Variants in SUGCT observed in about 807,000 individuals in gnomAD.
The protein encoded by SUGCT is succinyl-CoA:glutarate CoA-transferase.
SUGCT carries 41 observed loss-of-function variants against 55.0 expected under a neutral mutation model. The observed-to-expected ratio is 0.74, with a 90% CI of 0.58 to 0.97. The LOEUF is 0.97. SUGCT is among the 50% of genes least tolerant of loss of function. The pLI, the probability that SUGCT is intolerant of heterozygous loss-of-function variation, is 0.00. For synonymous variants in SUGCT, 187 were observed against 200.4 expected (o/e 0.93, Z 0.56); for missense variants, 568 against 547.8 (o/e 1.04, Z -0.37).
intron 12 of SUGCT, among the ~76,000 whole-genome samples, chr7:40,627,424 T>C (rs1323432952): frequency 6.6e-6 from 1 of 152,008 alleles, no homozygotes; most frequent in Non-Finnish European, 1.5e-5. Context: ...AAGCAACCAA[T>C]CAGAGGCTGA....
intron 7 of SUGCT, among the ~76,000 whole-genome samples, chr7:40,242,646 G>A (rs889436889): frequency 3.3e-5 from 5 of 151,702 alleles, no homozygotes; most frequent in African/African-American, 1.2e-4. Flanking sequence ...CCTTGCTTCT[G>A]CATGCTGCTT....
chr7:40,148,911 G>A (rs10263812), intron 1 of SUGCT, among the ~76,000 whole-genome samples: 9,733 of 152,158 alleles, frequency 0.064, 961 homozygotes, highest in African/African-American at 0.21. Flanking sequence ...TTTATCTTCT[G>A]AAAGGGCCTG....
chr7:40,961,687 G>GT, the SUGCT span, among the ~76,000 whole-genome samples: 1 of 152,206 alleles, frequency 6.6e-6, no homozygotes, highest in African/African-American at 2.4e-5. Context: ...TAAAGATGGT[G>GT]TGTCTGGAGT....
intron 8 of SUGCT, among the ~76,000 whole-genome samples, chr7:40,276,981 G>A (rs1398098114): frequency 2.0e-5 from 3 of 152,120 alleles, no homozygotes; most frequent in Non-Finnish European, 2.9e-5. Flanking sequence ...TGAGGTCAAT[G>A]TGAGAACTAC....
At chr7:40,586,214 C>A (rs1204073889) in intron 12 of SUGCT, among the ~76,000 whole-genome samples, 2 of 151,998 alleles carry the variant, frequency 1.3e-5, no homozygotes, top group South Asian at 4.2e-4. Context: ...AAGTGTTAGG[C>A]AATGTTTTTA....
At chr7:40,186,295 G>T (rs867216400) in intron 3 of SUGCT, among the ~76,000 whole-genome samples, 2 of 134,660 alleles carry the variant, frequency 1.5e-5, no homozygotes, top group African/African-American at 2.8e-5. Flanking sequence ...ATCTTGCTCT[G>T]TCCCCTAGGC....
intron 12 of SUGCT, among the ~76,000 whole-genome samples, chr7:40,690,751 A>G (rs544636684): frequency 6.6e-6 from 1 of 151,770 alleles, no homozygotes; most frequent in South Asian, 2.1e-4. Flanking sequence ...TAATTTTTGT[A>G]TTTTTTTGTA....
At chr7:40,661,450 T>G (rs1402441592) in intron 12 of SUGCT, among the ~76,000 whole-genome samples, 1 of 152,216 alleles carries the variant, frequency 6.6e-6, no homozygotes, top group Non-Finnish European at 1.5e-5. Flanking sequence ...ATAATTCGTC[T>G]TAAAATGAAA....
chr7:40,245,977 A>G (rs911550302), intron 7 of SUGCT, among the ~76,000 whole-genome samples: 1 of 151,940 alleles, frequency 6.6e-6, no homozygotes, highest in African/African-American at 2.4e-5. Context: ...TGGAACTACA[A>G]GCACATGCCA....
At chr7:40,270,939 T>C (rs1791960263) in intron 7 of SUGCT, among the ~76,000 whole-genome samples, 5 of 152,220 alleles carry the variant, frequency 3.3e-5, no homozygotes, top group African/African-American at 1.2e-4. Flanking sequence ...CTAAGTATTT[T>C]ATTCTTTTTT....
chr7:40,355,387 A>G (rs1797838861), intron 9 of SUGCT, among the ~76,000 whole-genome samples: 1 of 152,154 alleles, frequency 6.6e-6, no homozygotes, highest in African/African-American at 2.4e-5. Flanking sequence ...TCTTACTATT[A>G]TGTTTTGTAA....
At chr7:40,403,719 C>T (rs1040545418) in intron 9 of SUGCT, among the ~76,000 whole-genome samples, 4 of 152,152 alleles carry the variant, frequency 2.6e-5, no homozygotes, top group Non-Finnish European at 5.9e-5. Flanking sequence ...TTAGATGATT[C>T]ACAACTTCTG....
In SUGCT at chr7:40,780,743, T is replaced by G. The variant is rs546107935; in HGVS notation, c.1153+31246T>G. On this transcript the variant is annotated intron_variant, in intron 13 of 13. Coordinates refer to ENST00000335693, the MANE Select transcript of SUGCT (RefSeq NM_001193313.2). ...CAGGACTTGGAGTTCCTAGTGTGGG[T>G]TTTTTTTTTCTTTTTCTTTCTTCTT... Among the ~76,000 whole-genome samples the G allele has an allele frequency of 3.7e-4, 55 of 149,178 alleles. 2 individuals are homozygous for G. The highest frequency in any genetic ancestry group is 2.5e-4 in the Non-Finnish European group (17 of 67,080).
chr7:40,498,059 T>G (rs1792082725), intron 12 of SUGCT, among the ~76,000 whole-genome samples: 1 of 152,136 alleles, frequency 6.6e-6, no homozygotes, highest in South Asian at 2.1e-4. Flanking sequence ...TGCATCTCAA[T>G]TCTTCTGGAA....
At chr7:40,489,843 A>T (rs1791587833) in intron 11 of SUGCT, among the ~76,000 whole-genome samples, 1 of 152,154 alleles carries the variant, frequency 6.6e-6, no homozygotes, top group Non-Finnish European at 1.5e-5. Context: ...TGGTGATGTC[A>T]TGTTTCCCTG....
the SUGCT span, among the ~76,000 whole-genome samples, chr7:40,906,122 G>GT: frequency 5.8e-4 from 88 of 150,532 alleles, no homozygotes; most frequent in Non-Finnish European, 1.1e-3. Flanking sequence ...GCTGTTTTTT[G>GT]TTTTTGTTTT....
rs551850595 is a variant in SUGCT, at chr7:40,857,733, G to C, written c.1154-2583G>C. On this transcript the variant is annotated intron_variant, in intron 13 of 13. Coordinates refer to ENST00000335693, the MANE Select transcript of SUGCT (RefSeq NM_001193313.2). Reference sequence around the variant, plus strand: ...ATATTATGTTAAGTGAAAGAAGCCAGACACAAAAAGTCACAAATTATATAT... The same window carrying C: ...ATATTATGTTAAGTGAAAGAAGCCACACACAAAAAGTCACAAATTATATAT... Among the ~76,000 whole-genome samples the C allele has an allele frequency of 9.9e-5, 15 of 152,216 alleles. 1 individual carries two copies. The South Asian group carries it at 3.1e-3, about 32-fold the overall frequency.
At chr7:40,294,748 T>C (rs904587923) in intron 8 of SUGCT, among the ~76,000 whole-genome samples, 1 of 152,108 alleles carries the variant, frequency 6.6e-6, no homozygotes, top group Non-Finnish European at 1.5e-5. Context: ...GGTTTCACCA[T>C]GTTGGTCAGG....
chr7:40,670,169 CAAAAAAAAAAAA>C (rs34786531), intron 12 of SUGCT, among the ~76,000 whole-genome samples: 2 of 58,210 alleles, frequency 3.4e-5, no homozygotes, highest in Non-Finnish European at 6.9e-5. Context: ...GACTCCATCT[CAAAAAAAAAAAA>C]AAAAAAAAAA....
Sources: allele counts gnomAD v4.1 joint callset (sites outside exome capture counted in the v4.1 genomes callset), GRCh38; gene constraint gnomAD v4.1.1; transcripts MANE v1.5; gene names NCBI Gene and HGNC (gene_info 2026-07-23, HGNC 2026-07-21).